Variants in ZFY observed in about 807,000 individuals in gnomAD.
The protein encoded by ZFY is zinc finger protein Y-linked.
For missense variants in ZFY, 113 were observed against 170.9 expected (o/e 0.66, Z 1.89); for synonymous variants, 47 against 55.8 (o/e 0.84, Z 0.71).
At position 2,951,921 on chromosome Y, in the gene ZFY, T is replaced by G; in HGVS notation, c.-28-1988T>G. 1.1e-4 allele frequency among the ~76,000 whole-genome samples: 3 copies of G among 27,617 alleles called. No homozygotes were observed. The East Asian group carries it at 2.9e-3, about 27-fold the overall frequency. 74.1% of individuals were successfully genotyped at this position (27,617 alleles called of 37,273 possible). On this transcript the variant is annotated intron_variant, in intron 1 of 7. Coordinates refer to ENST00000155093, the MANE Select transcript of ZFY (RefSeq NM_003411.4). ...GGAAAATTACGCTACAAGTTGATCT[T>G]TTTTTTTTTTTTTTTGAGATGGAGT...
At chrY:2,948,274 A>G in intron 1 of ZFY, among the ~76,000 whole-genome samples, 1 of 33,659 alleles carries the variant, frequency 3.0e-5, no homozygotes, top group African/African-American at 1.2e-4. Flanking sequence ...TTAAGCTTCA[A>G]TTTCCTTAAT....
In ZFY at chrY:2,976,654, T is replaced by C. The variant is rs769494123; in HGVS notation, c.929-16T>C. ...AAACCTAGTCACAAAAAATTTTTTA[T>C]TTATTTTGTGCTTAGATGTTGCTGA... On this transcript the variant is annotated splice_polypyrimidine_tract_variant and intron_variant, in intron 5 of 7. Transcript: ENST00000155093. 2.7e-6 allele frequency: 1 copy of C among 373,870 alleles called. No individual in the cohort carries two copies. The highest frequency in any genetic ancestry group is 3.3e-5 in the South Asian group (1 of 30,297). 93.3% of individuals were successfully genotyped at this position (373,870 alleles called of 400,897 possible). A position where few individuals can be genotyped will look rare whatever the true frequency, so the allele number is the denominator to read the frequency against.
At chrY:2,936,741 C>G in intron 1 of ZFY, among the ~76,000 whole-genome samples, 1 of 34,274 alleles carries the variant, frequency 2.9e-5, no homozygotes, top group Non-Finnish European at 7.3e-5. Context: ...CTTCAAAATA[C>G]TTTTGTTAGC....
intron 2 of ZFY, among the ~76,000 whole-genome samples, chrY:2,958,993 A>G (rs2124506498): frequency 3.0e-5 from 1 of 33,582 alleles, no homozygotes; most frequent in African/African-American, 1.2e-4. Flanking sequence ...TCTCTGGAAC[A>G]TAGTGAAATA....
At chrY:2,974,365 G>A (rs1054895412) in intron 3 of ZFY, among the ~76,000 whole-genome samples, 42 of 30,928 alleles carry the variant, frequency 1.4e-3, no homozygotes, top group Admixed American at 2.7e-3. Flanking sequence ...TGCATTTTTA[G>A]TGGAGACAGA....
intron 1 of ZFY, among the ~76,000 whole-genome samples, chrY:2,936,038 C>T (rs2124496286): frequency 2.9e-5 from 1 of 35,043 alleles, no homozygotes; most frequent in Admixed American, 2.5e-4. Flanking sequence ...AGGGCGTGCT[C>T]GTTCCCTTGG....
At chrY:2,962,402 C>T (rs2051314308) in intron 3 of ZFY, among the ~76,000 whole-genome samples, 1 of 33,609 alleles carries the variant, frequency 3.0e-5, no homozygotes, top group East Asian at 7.6e-4. Flanking sequence ...TTACAACTTA[C>T]GGAATCATTG....
chrY:2,946,854 GA>G (rs2051263535), intron 1 of ZFY, among the ~76,000 whole-genome samples: 4 of 29,039 alleles, frequency 1.4e-4, no homozygotes, highest in African/African-American at 2.8e-4. Context: ...AAAAAAATAC[GA>G]AAAAAAATTA....
intron 1 of ZFY, among the ~76,000 whole-genome samples, chrY:2,950,313 A>G: frequency 6.1e-5 from 2 of 32,647 alleles, no homozygotes; most frequent in Non-Finnish European, 1.5e-4. Flanking sequence ...GTCCCTCAAA[A>G]TGCTGGGATT....
intron 2 of ZFY, among the ~76,000 whole-genome samples, chrY:2,960,779 C>G (rs2051306520): frequency 3.1e-5 from 1 of 32,721 alleles, no homozygotes; most frequent in Non-Finnish European, 7.6e-5. Context: ...TAGTTTTTTT[C>G]TGTCATTGCC....
chrY:2,945,452 A>G, intron 1 of ZFY, among the ~76,000 whole-genome samples: 2 of 30,919 alleles, frequency 6.5e-5, no homozygotes, highest in African/African-American at 2.6e-4. Flanking sequence ...AGTATGTTCA[A>G]TTAAAGCTGC....
intron 1 of ZFY, among the ~76,000 whole-genome samples, chrY:2,950,132 A>G (rs2051274364): frequency 3.1e-5 from 1 of 32,008 alleles, no homozygotes; most frequent in African/African-American, 1.2e-4. Context: ...TGTCATGGCT[A>G]CGTGACCTCT....
In ZFY at chrY:2,948,482, C is replaced by G. The variant is rs373430161; in HGVS notation, c.-28-5427C>G. On this transcript the variant is annotated intron_variant, in intron 1 of 7. Coordinates refer to ENST00000155093, the MANE Select transcript of ZFY (RefSeq NM_003411.4). The stretch of plus-strand genomic sequence containing the variant: ...TTTATTTCTGACTTTATTAAAGAAG[C>G]CTATAGCAGGCTAACATCCAGTGCT... Among the ~76,000 whole-genome samples, 3 of 33,758 alleles carry G rather than the reference C, an allele frequency of 8.9e-5. No homozygotes were observed. In the East Asian group the frequency reaches 2.3e-3, roughly 26 times the overall value. The allele number at this position is 33,758 out of a possible 37,273, so 90.6% of individuals were successfully genotyped here.
intron 1 of ZFY, among the ~76,000 whole-genome samples, chrY:2,936,630 G>T (rs73625101): frequency 0.15 from 5,220 of 33,711 alleles, no homozygotes; most frequent in African/African-American, 0.6. Context: ...ATAGGCAGAA[G>T]AGGTATTTTT....
At chrY:2,971,519 A>G in intron 3 of ZFY, among the ~76,000 whole-genome samples, 1 of 33,386 alleles carries the variant, frequency 3.0e-5, no homozygotes, top group Admixed American at 2.7e-4. Flanking sequence ...GCATAGAATA[A>G]GTGCCATTCT....
intron 1 of ZFY, among the ~76,000 whole-genome samples, chrY:2,941,923 G>A: frequency 3.3e-5 from 1 of 30,191 alleles, no homozygotes; most frequent in South Asian, 8.2e-4. Context: ...CCCACCCTCC[G>A]CCAATATAAA....
chrY:2,942,193 C>T, intron 1 of ZFY, among the ~76,000 whole-genome samples: 1 of 31,210 alleles, frequency 3.2e-5, no homozygotes, highest in Non-Finnish European at 7.7e-5. Context: ...TGAGCTCAAG[C>T]GATCCTCCCA....
Position 2,935,540 on chromosome Y carries a change from G to A in ZFY, c.-258G>A. The stretch of plus-strand genomic sequence containing the variant: ...GGCGTCCCGTAGGGCGCCCTCCCGC[G>A]CTAGGCCGGCCGGCGTGGCGCTCGG... On this transcript the variant is annotated 5_prime_UTR_variant, in exon 1 of 8. Coordinates refer to ENST00000155093, the MANE Select transcript of ZFY (RefSeq NM_003411.4). 2.9e-5 allele frequency: 1 copy of A among 35,067 alleles called. No individual in the cohort carries two copies. Among genetic ancestry groups the A allele is most frequent in the African/African-American group, 1.1e-4 (1 of 9,084 alleles). The allele number at this position is 35,067 out of a possible 400,897, so 8.7% of individuals were successfully genotyped here.
intron 1 of ZFY, among the ~76,000 whole-genome samples, chrY:2,950,977 T>C: frequency 3.0e-5 from 1 of 33,558 alleles, no homozygotes. Context: ...ACTAGCACTA[T>C]GTCCCTAGGT....
Sources: gnomAD v4.1 joint callset for allele counts (sites outside exome capture counted in the v4.1 genomes callset) on GRCh38, gnomAD v4.1.1 for gene constraint, MANE v1.5 for transcripts, NCBI Gene and HGNC (gene_info 2026-07-23, HGNC 2026-07-21) for gene names.